The following CD2AP variants were observed in gnomAD, a reference collection of about 807,000 sequenced individuals.
CD2AP encodes the protein CD2-associated protein.
In CD2AP, 46 loss-of-function variants were observed where a neutral mutation model predicts 85.1. The observed-to-expected ratio is 0.54, with a 90% CI of 0.43 to 0.69. The LOEUF is 0.69. Among genes scored for constraint, CD2AP ranks in the 30% least tolerant of loss-of-function variants. The probability of loss-of-function intolerance (pLI) is 0.00; values close to 1 mark genes in which losing one functional copy is unlikely to be tolerated. For missense variants in CD2AP, 769 were observed against 729.5 expected (o/e 1.05, Z -0.62); for synonymous variants, 255 against 252.9 (o/e 1.01, Z -0.08).
At chr6:47,491,964 GTACTT>G (rs1425328871) in intron 1 of CD2AP, among the ~76,000 whole-genome samples, 1 of 152,026 alleles carries the variant, frequency 6.6e-6, no homozygotes, top group African/African-American at 2.4e-5. Flanking sequence ...TTTAAGTAAT[GTACTT>G]TACTTTCTTT....
intron 5 of CD2AP, among the ~76,000 whole-genome samples, chr6:47,572,801 A>C (rs1010355511): frequency 1.3e-5 from 2 of 152,210 alleles, no homozygotes; most frequent in Admixed American, 6.5e-5. Flanking sequence ...TAAGAAGCTC[A>C]TGTGGGCTTA....
rs114357690 is a variant in CD2AP, at chr6:47,501,366, G to A, written c.5-1914G>A. 9.1e-3 allele frequency among the ~76,000 whole-genome samples: 1,381 copies of A among 152,294 alleles called. 21 individuals carry two copies. Among genetic ancestry groups the A allele is most frequent in the African/African-American group, 0.031 (1,300 of 41,566 alleles). On this transcript the variant is annotated intron_variant, in intron 1 of 17. Transcript: ENST00000359314. ...GCCTCTTTGGCAGTTAGATATCCTG[G>A]CACCTGCTCAACTGTAGTTGGCATT...
intron 17 of CD2AP, among the ~76,000 whole-genome samples, chr6:47,615,340 CTTGCA>C (rs1359460278): frequency 6.6e-6 from 1 of 152,148 alleles, no homozygotes; most frequent in Non-Finnish European, 1.5e-5. Context: ...TTAGGCTACT[CTTGCA>C]TTGCTATAAA....
rs1263740097 is a variant in CD2AP, at chr6:47,533,603, A to T, written c.167A>T (p.Glu56Val). The T allele has an allele frequency of 6.2e-7, 1 of 1,613,648 alleles. No homozygotes were observed. Among genetic ancestry groups the T allele is most frequent in the African/African-American group, 1.3e-5 (1 of 75,032 alleles). The change falls in exon 3 of 18, where the codon GAA (glutamate) becomes GTA (valine). Residue 56 changes from glutamate to valine, a missense_variant and splice_region_variant. By Grantham distance (121) the Glu-to-Val change is moderately radical. Coordinates refer to ENST00000359314, the MANE Select transcript of CD2AP (RefSeq NM_012120.3). ...CTTTATTTATTTTCCCTTTTGTAGGAAATTAAAAGAGAGACGGAATTCAAG... is the reference window on the plus strand; with the variant it reads ...CTTTATTTATTTTCCCTTTTGTAGGTAATTAAAAGAGAGACGGAATTCAAG... ...RGMFPDNFVK[E>V]IKRETEFKDD...
chr6:47,615,561 A>G (rs966928988), intron 17 of CD2AP, among the ~76,000 whole-genome samples: 1 of 151,942 alleles, frequency 6.6e-6, no homozygotes, highest in African/African-American at 2.4e-5. Flanking sequence ...GGGGCCACGC[A>G]GTTTTAAACA....
At chr6:47,512,549 A>G (rs1766346595) in intron 2 of CD2AP, among the ~76,000 whole-genome samples, 1 of 152,206 alleles carries the variant, frequency 6.6e-6, no homozygotes, top group South Asian at 2.1e-4. Flanking sequence ...AACTTTAGAC[A>G]CCATAAGTTT....
intron 15 of CD2AP, among the ~76,000 whole-genome samples, chr6:47,608,404 A>C (rs2114148494): frequency 6.6e-6 from 1 of 152,286 alleles, no homozygotes; most frequent in East Asian, 1.9e-4. Context: ...TAATGGCAGA[A>C]TACTGTATGT....
intron 2 of CD2AP, among the ~76,000 whole-genome samples, chr6:47,532,519 G>A (rs1453968110): frequency 4.0e-5 from 6 of 151,626 alleles, no homozygotes; most frequent in African/African-American, 1.2e-4. Flanking sequence ...CGTTTTTCTT[G>A]CACAATGTAT....
intron 1 of CD2AP, among the ~76,000 whole-genome samples, chr6:47,493,615 T>C (rs1765786690): frequency 6.6e-6 from 1 of 152,150 alleles, no homozygotes; most frequent in African/African-American, 2.4e-5. Flanking sequence ...TTATTATTTT[T>C]GGAAAATTCT....
intron 11 of CD2AP, among the ~76,000 whole-genome samples, chr6:47,594,969 A>C (rs1768898642): frequency 6.6e-6 from 1 of 152,110 alleles, no homozygotes; most frequent in African/African-American, 2.4e-5. Context: ...TTTTTCAAAG[A>C]CCAAATAAAT....
chr6:47,615,032 C>A (rs1395022934), intron 17 of CD2AP, among the ~76,000 whole-genome samples: 1 of 152,004 alleles, frequency 6.6e-6, no homozygotes, highest in Non-Finnish European at 1.5e-5. Context: ...TGTATCCTAC[C>A]TTTTTTAGAG....
intron 13 of CD2AP, among the ~76,000 whole-genome samples, chr6:47,601,508 A>G (rs1259025191): frequency 6.6e-6 from 1 of 151,978 alleles, no homozygotes; most frequent in Non-Finnish European, 1.5e-5. Flanking sequence ...TTCACTGAGC[A>G]GGTTTTATAT....
At chr6:47,528,264 T>G (rs1460359584) in intron 2 of CD2AP, among the ~76,000 whole-genome samples, 2 of 152,184 alleles carry the variant, frequency 1.3e-5, no homozygotes, top group South Asian at 4.1e-4. Flanking sequence ...AACCTCCGCC[T>G]CCTGGGTTCA....
chr6:47,590,577 G>A (rs111270386), intron 11 of CD2AP, among the ~76,000 whole-genome samples: 4 of 151,990 alleles, frequency 2.6e-5, no homozygotes, highest in Middle Eastern at 3.2e-3. Flanking sequence ...ATACAAAACC[G>A]CATATGAGGA....
chr6:47,543,660 C>A (rs1767291630), intron 3 of CD2AP, among the ~76,000 whole-genome samples: 1 of 152,136 alleles, frequency 6.6e-6, no homozygotes, highest in African/African-American at 2.4e-5. Context: ...GATGTCTCTT[C>A]CTCTTTTGTA....
intron 5 of CD2AP, among the ~76,000 whole-genome samples, chr6:47,573,679 C>G (rs12193051): frequency 0.27 from 40,641 of 151,264 alleles, 5,652 homozygotes; most frequent in African/African-American, 0.33. Context: ...TTAGTGGAGA[C>G]GGGGTTTCAC....
rs1276054257 is a variant in CD2AP at position 47,595,971 on chromosome 6, A to G, written c.1219A>G (p.Thr407Ala). 6.2e-7 allele frequency: 1 copy of G among 1,612,824 alleles called. No individual in the cohort carries two copies. The highest frequency in any genetic ancestry group is 8.5e-7 in the Non-Finnish European group (1 of 1,179,138). ...CAGTAATTTACTGAGATCTTCTGGA[A>G]CAGTGTACCCAAAGCGACCTGAAAA... ...KASNLLRSSGTVYPKRPEKPV... is the reference protein window; with the variant it reads ...KASNLLRSSGAVYPKRPEKPV... The change falls in exon 12 of 18, where the codon ACA (threonine) becomes GCA (alanine). Residue 407 changes from threonine (T) to alanine (A), a missense_variant. Thr to Ala is a moderately conservative substitution (Grantham distance 58). Coordinates refer to ENST00000359314, the MANE Select transcript of CD2AP (RefSeq NM_012120.3).
intron 4 of CD2AP, among the ~76,000 whole-genome samples, chr6:47,553,408 G>T (rs1182380267): frequency 3.3e-5 from 5 of 150,038 alleles, no homozygotes; most frequent in Non-Finnish European, 7.4e-5. Flanking sequence ...GAGCAGTGGC[G>T]CCATCTCAGC....
In CD2AP at chr6:47,610,971, A is replaced by ATATATATATATATATATATTT; in HGVS notation, c.1815-1501_1815-1500insATATATATATATATATATTTT. ...GATTTATATATATATATATATATGT[A>ATATATATATATATATATATTT]TTTTTTTTTTTTTTTGAATATAAAA... On this transcript the variant is annotated intron_variant, in intron 16 of 17. Coordinates refer to ENST00000359314, the MANE Select transcript of CD2AP (RefSeq NM_012120.3). 1.1e-3 allele frequency among the ~76,000 whole-genome samples: 128 copies of ATATATATATATATATATATTT among 112,818 alleles called. 2 individuals carry two copies. Among genetic ancestry groups the ATATATATATATATATATATTT allele is most frequent in the African/African-American group, 3.9e-3 (108 of 27,802 alleles). 74.0% of individuals were successfully genotyped at this position (112,818 alleles called of 152,430 possible).
Sources: gnomAD v4.1 joint callset for allele counts (sites outside exome capture counted in the v4.1 genomes callset) on GRCh38, gnomAD v4.1.1 for gene constraint, MANE v1.5 for transcripts, NCBI Gene and HGNC (gene_info 2026-07-23, HGNC 2026-07-21) for gene names.